Variants in SLC16A2 observed in about 807,000 individuals in gnomAD.
SLC16A2 encodes monocarboxylate transporter 8.
SLC16A2 carries 3 observed loss-of-function variants against 27.2 expected under a neutral mutation model. That is an observed-to-expected ratio of 0.11 (90% CI 0.05 to 0.28). SLC16A2 has a LOEUF of 0.28. Among genes scored for constraint, SLC16A2 ranks in the 10% least tolerant of loss-of-function variants. The pLI is 1.00. For synonymous variants in SLC16A2, 202 were observed against 187.8 expected, an observed-to-expected ratio of 1.08 and a Z score of -0.62; for missense variants, 295 against 458.5, an observed-to-expected ratio of 0.64 and a Z score of 3.26.
At chrX:74,507,847 G>A (rs1272170109) in intron 1 of SLC16A2, among the ~76,000 whole-genome samples, 2 of 111,701 alleles carry the variant, frequency 1.8e-5, no homozygotes, top group Non-Finnish European at 3.8e-5. Context: ...ATGGCCAAAT[G>A]GTATTCCCTT....
At chrX:74,439,323 T>C (rs933838389) in intron 1 of SLC16A2, among the ~76,000 whole-genome samples, 4 of 100,172 alleles carry the variant, frequency 4.0e-5, no homozygotes, top group Non-Finnish European at 8.0e-5. Context: ...CTTTCTTTTT[T>C]TTTTGAGACA....
intron 1 of SLC16A2, among the ~76,000 whole-genome samples, chrX:74,457,969 CT>C (rs1929066563): frequency 8.9e-6 from 1 of 111,855 alleles, no homozygotes; most frequent in African/African-American, 3.3e-5. Flanking sequence ...AGATGTGTAT[CT>C]TTTTCCACAC....
At chrX:74,448,595 T>C (rs1928882177) in intron 1 of SLC16A2, among the ~76,000 whole-genome samples, 1 of 111,145 alleles carries the variant, frequency 9.0e-6, no homozygotes, top group African/African-American at 3.3e-5. Context: ...CCCAACTTAC[T>C]AGGCAGGTAT....
chrX:74,429,408 G>A (rs781224658), intron 1 of SLC16A2, among the ~76,000 whole-genome samples: 2 of 109,143 alleles, frequency 1.8e-5, no homozygotes, highest in African/African-American at 6.7e-5. Context: ...GGCGGTTGAC[G>A]TTGCAATGAG....
At chrX:74,423,688 T>C (rs916124234) in intron 1 of SLC16A2, among the ~76,000 whole-genome samples, 2 of 112,151 alleles carry the variant, frequency 1.8e-5, no homozygotes, top group Admixed American at 9.4e-5. Context: ...CAGTCACCCC[T>C]GGGACCACCT....
rs1240130570 is a variant in SLC16A2 at position 74,525,809 on chromosome X, T to C, written c.1086T>C (p.Cys362=). 1 of 1,211,132 alleles carries C rather than the reference T, an allele frequency of 8.3e-7. No individual in the cohort carries two copies. Among genetic ancestry groups the C allele is most frequent in the Middle Eastern group, 2.3e-4 (1 of 4,342 alleles). The change falls in exon 4 of 6, where the codon TGT becomes TGC. Residue 362 remains cysteine, a synonymous_variant. Coordinates refer to ENST00000587091, the MANE Select transcript of SLC16A2 (RefSeq NM_006517.5). ...AGGAGACCTGGGTGCTCTTGGTGTGTATTGGGGCTACCTCAGGCCTTGGGC... is the reference window on the plus strand; with the variant it reads ...AGGAGACCTGGGTGCTCTTGGTGTGCATTGGGGCTACCTCAGGCCTTGGGC... The part of the protein sequence containing the change: ...EIKETWVLLV[C]IGATSGLGRL...
chrX:74,480,044 C>T lies in SLC16A2; in HGVS notation c.431-40946C>T, dbSNP rs1929582401. The stretch of plus-strand genomic sequence containing the variant: ...AGGGACATTTAAGTCTGCAGGATTT[C>T]TGCTGCCTTTTGTTTGGCTATGCCC... On this transcript the variant is annotated intron_variant, in intron 1 of 5. Transcript: ENST00000587091. 3.6e-5 allele frequency among the ~76,000 whole-genome samples: 4 copies of T among 112,394 alleles called. No individual in the cohort carries two copies. The Admixed American group carries it at 3.7e-4, about 11-fold the overall frequency.
chrX:74,471,541 T>G (rs1929356821), intron 1 of SLC16A2, among the ~76,000 whole-genome samples: 1 of 112,126 alleles, frequency 8.9e-6, no homozygotes, highest in African/African-American at 3.2e-5. Flanking sequence ...TACTCAACCC[T>G]TATCAGATAA....
intron 1 of SLC16A2, among the ~76,000 whole-genome samples, chrX:74,493,913 C>T (rs145424148): frequency 1.8e-5 from 2 of 111,793 alleles, no homozygotes; most frequent in East Asian, 5.7e-4. Flanking sequence ...GCCAGACTCT[C>T]AGGCGGGAAC....
chrX:74,423,834 G>A (rs1928357948), intron 1 of SLC16A2, among the ~76,000 whole-genome samples: 1 of 111,737 alleles, frequency 8.9e-6, no homozygotes, highest in African/African-American at 3.3e-5. Context: ...TGGCCTTCAG[G>A]ATCAGTGAGT....
At chrX:74,452,593 A>G (rs1381612811) in intron 1 of SLC16A2, among the ~76,000 whole-genome samples, 1 of 111,852 alleles carries the variant, frequency 8.9e-6, no homozygotes, top group Non-Finnish European at 1.9e-5. Context: ...GATTATATAT[A>G]TAGTTTTAAA....
intron 1 of SLC16A2, among the ~76,000 whole-genome samples, chrX:74,519,970 G>T (rs1930381460): frequency 9.0e-6 from 1 of 111,202 alleles, no homozygotes; most frequent in African/African-American, 3.3e-5. Context: ...AGAGGGCTCA[G>T]GGTAAGGCTC....
At chrX:74,438,102 A>T (rs1391563685) in intron 1 of SLC16A2, among the ~76,000 whole-genome samples, 1 of 112,048 alleles carries the variant, frequency 8.9e-6, no homozygotes, top group Non-Finnish European at 1.9e-5. Context: ...CCAAAGTTCA[A>T]CTCTCCTTTG....
intron 1 of SLC16A2, among the ~76,000 whole-genome samples, chrX:74,479,650 A>C (rs1186642414): frequency 8.9e-6 from 1 of 112,006 alleles, no homozygotes; most frequent in East Asian, 2.8e-4. Context: ...GGTGATGTAC[A>C]GATGGGGTTT....
In SLC16A2 at chrX:74,460,055, G is replaced by T. The variant is rs1435584228; in HGVS notation, c.430+37988G>T. Among the ~76,000 whole-genome samples, 3 of 111,730 alleles carry T rather than the reference G, an allele frequency of 2.7e-5. No individual in the cohort carries two copies. The East Asian group carries it at 8.4e-4, about 31-fold the overall frequency. On this transcript the variant is annotated intron_variant, in intron 1 of 5. Transcript: ENST00000587091. Reference sequence around the variant, plus strand: ...TTTTTAAAGACTAAAGGTCCCTGTGGGTATGGAGAAAGCAGCTGCATCTGA... The same window carrying T: ...TTTTTAAAGACTAAAGGTCCCTGTGTGTATGGAGAAAGCAGCTGCATCTGA...
intron 1 of SLC16A2, among the ~76,000 whole-genome samples, chrX:74,444,603 A>G (rs1225899482): frequency 8.9e-6 from 1 of 112,303 alleles, no homozygotes; most frequent in East Asian, 2.8e-4. Flanking sequence ...ATTTGTAAAG[A>G]CCAGCCTGTT....
At chrX:74,443,175 A>G (rs1165779954) in intron 1 of SLC16A2, among the ~76,000 whole-genome samples, 1 of 111,166 alleles carries the variant, frequency 9.0e-6, no homozygotes, top group African/African-American at 3.3e-5. Flanking sequence ...CACACATTAG[A>G]GTATTGAGGA....
At chrX:74,493,145 G>A (rs778800916) in intron 1 of SLC16A2, among the ~76,000 whole-genome samples, 39 of 111,776 alleles carry the variant, frequency 3.5e-4, no homozygotes, top group Non-Finnish European at 6.0e-4. Flanking sequence ...GTGTGGCTCT[G>A]GGAAGTGCCC....
intron 1 of SLC16A2, among the ~76,000 whole-genome samples, chrX:74,447,095 A>G (rs1928851371): frequency 8.9e-6 from 1 of 112,227 alleles, no homozygotes; most frequent in Non-Finnish European, 1.9e-5. Flanking sequence ...TTTGCAACAG[A>G]GAATGCATTC....
Sources: allele counts gnomAD v4.1 joint callset (sites outside exome capture counted in the v4.1 genomes callset), GRCh38; gene constraint gnomAD v4.1.1; transcripts MANE v1.5; gene names NCBI Gene and HGNC (gene_info 2026-07-23, HGNC 2026-07-21).